The following PIK3R6 variants were observed in gnomAD, a reference collection of about 807,000 sequenced individuals.
The protein encoded by PIK3R6 is phosphoinositide 3-kinase regulatory subunit 6.
A neutral mutation model predicts 84.9 loss-of-function variants in PIK3R6; 91 were observed. The ratio of observed to expected loss-of-function variants is 1.07; its 90% CI spans 0.90 to 1.28. PIK3R6 has a LOEUF of 1.28. PIK3R6 is among the 50% of genes most tolerant of loss of function. The probability of loss-of-function intolerance (pLI) is 0.00; values close to 1 mark genes in which losing one functional copy is unlikely to be tolerated. For synonymous variants in PIK3R6, 416 were observed against 411.4 expected (o/e 1.01, Z -0.13); for missense variants, 996 against 985.1 (o/e 1.01, Z -0.15).
intron 2 of PIK3R6, among the ~76,000 whole-genome samples, chr17:8,841,212 C>T (rs1294670310): frequency 6.6e-6 from 1 of 152,066 alleles, no homozygotes; most frequent in South Asian, 2.1e-4. Context: ...TTTAAAGAAT[C>T]GTATCAGATA....
At chr17:8,815,876 G>A (rs8082325) in intron 18 of PIK3R6, among the ~76,000 whole-genome samples, 3,448 of 152,302 alleles carry the variant, frequency 0.023, 128 homozygotes, top group African/African-American at 0.076. Flanking sequence ...TTATCTACAA[G>A]CCCATCCAGA....
At position 8,838,652 on chromosome 17, in the gene PIK3R6, A is replaced by C; in HGVS notation, c.101T>G (p.Met34Arg). The stretch of plus-strand genomic sequence containing the variant: ...CTTCTTGTGCAGGGACCACCTCCAC[A>C]TGCCTGGGCCAGGAGAAAGGGGAGC... ...QAPALQSNQGMWRWSLHKKVE... is the reference protein window; with the variant it reads ...QAPALQSNQGRWRWSLHKKVE... The change falls in exon 4 of 20, where the codon ATG becomes AGG. Residue 34 changes from methionine to arginine, a missense_variant. Transcript: ENST00000619866. 2 of 1,598,308 alleles carry C rather than the reference A, an allele frequency of 1.3e-6. No individual in the cohort carries two copies. The highest frequency in any genetic ancestry group is 1.7e-6 in the Non-Finnish European group (2 of 1,172,322).
At chr17:8,855,450 A>G (rs1484020639) in intron 1 of PIK3R6, among the ~76,000 whole-genome samples, 1 of 152,194 alleles carries the variant, frequency 6.6e-6, no homozygotes, top group African/African-American at 2.4e-5. Flanking sequence ...GCAAATAAAC[A>G]CATTAAAAAA....
Position 8,837,864 on chromosome 17 carries a change from C to T in PIK3R6, c.197G>A (p.Ser66Asn). Residue 66 changes from serine (S) to asparagine (N), a missense_variant, in exon 5 of 20, where the codon AGC (serine) becomes AAC (asparagine). Transcript: ENST00000619866. ...AATGATGACATGCCGGAGGTCCTGG[C>T]TTTCCGCCTGGAAAACAGGAGATCA... ...ILLRELEKAE[S>N]QDLRHVIIPL... The T allele has an allele frequency of 6.2e-7, 1 of 1,613,844 alleles. No homozygotes were observed. Among genetic ancestry groups the T allele is most frequent in the East Asian group, 2.2e-5 (1 of 44,888 alleles).
intron 7 of PIK3R6, 120 bp downstream of exon 7, chr17:8,836,427 G>T: frequency 9.8e-7 from 1 of 1,021,846 alleles, no homozygotes; most frequent in African/African-American, 1.6e-5. Context: ...CATGGCTGGG[G>T]AGGTCTGCTA....
rs868468434 is a variant in PIK3R6, at chr17:8,805,273, T to C, written c.1996-1120A>G. 2.6e-5 allele frequency among the ~76,000 whole-genome samples: 4 copies of C among 152,202 alleles called. No individual in the cohort carries two copies. In the South Asian group the frequency reaches 6.2e-4, roughly 24 times the overall value. ...CTACCTTTTAGGATTGTTGTGAAGATTACATGAGATAGTATATATTAAGTG... is the reference window on the plus strand; with the variant it reads ...CTACCTTTTAGGATTGTTGTGAAGACTACATGAGATAGTATATATTAAGTG... On this transcript the variant is annotated intron_variant, in intron 18 of 19. Coordinates refer to ENST00000619866, the MANE Select transcript of PIK3R6 (RefSeq NM_001010855.4).
chr17:8,846,803 C>T (rs2088824205), intron 2 of PIK3R6, among the ~76,000 whole-genome samples: 1 of 152,068 alleles, frequency 6.6e-6, no homozygotes, highest in Non-Finnish European at 1.5e-5. Flanking sequence ...CAAGAGACAG[C>T]AAGACTACAT....
intron 2 of PIK3R6, among the ~76,000 whole-genome samples, chr17:8,848,227 A>T (rs991738019): frequency 6.6e-6 from 1 of 152,146 alleles, no homozygotes; most frequent in African/African-American, 2.4e-5. Flanking sequence ...CCACATTTTT[A>T]AAAAATGAAA....
chr17:8,837,729 C>T, intron 5 of PIK3R6, 74 bp downstream of exon 5: 1 of 1,297,734 alleles, frequency 7.7e-7, no homozygotes, highest in Non-Finnish European at 1.1e-6. Context: ...GACTGAGTGC[C>T]CACTAAGGGG....
chr17:8,831,410 G>A (rs2088237969), intron 9 of PIK3R6, among the ~76,000 whole-genome samples: 1 of 151,328 alleles, frequency 6.6e-6, no homozygotes, highest in Non-Finnish European at 1.5e-5. Context: ...CTTGGGGGTG[G>A]CCCAGATGGT....
At chr17:8,829,459 CACAT>C (rs772624649) in intron 10 of PIK3R6, among the ~76,000 whole-genome samples, 2 of 150,272 alleles carry the variant, frequency 1.3e-5, no homozygotes, top group South Asian at 2.1e-4. Flanking sequence ...CGCATCCACA[CACAT>C]ACACTGACAC....
chr17:8,829,759 G>A lies in PIK3R6; in HGVS notation c.836C>T (p.Pro279Leu). Residue 279 changes from proline (P) to leucine (L), a missense_variant, in exon 10 of 20, where the codon CCC becomes CTC. Physicochemically the swap from Pro to Leu is moderately conservative, Grantham distance 98 (BLOSUM62 -3). Coordinates refer to ENST00000619866, the MANE Select transcript of PIK3R6 (RefSeq NM_001010855.4). ...GAAGGTGATGTAGGGGCTGGGCAGGGGAATGCTTGGTGGCCGCTCTTGGAC... is the reference window on the plus strand; with the variant it reads ...GAAGGTGATGTAGGGGCTGGGCAGGAGAATGCTTGGTGGCCGCTCTTGGAC... The part of the protein sequence containing the change: ...DLVQERPPSI[P>L]LPSPYITFHL... The A allele has an allele frequency of 6.4e-7, 1 of 1,553,030 alleles. No homozygotes were observed. Among genetic ancestry groups the A allele is most frequent in the Non-Finnish European group, 8.7e-7 (1 of 1,148,054 alleles).
chr17:8,850,300 CAAAAA>C (rs753799544), intron 1 of PIK3R6, among the ~76,000 whole-genome samples: 2 of 63,432 alleles, frequency 3.2e-5, no homozygotes, highest in Admixed American at 1.8e-4. Flanking sequence ...GAGACTGGCT[CAAAAA>C]AAAAAAAAAA....
chr17:8,822,970 T>A (rs1216729175), intron 15 of PIK3R6, 26 bp downstream of exon 15: 1 of 1,550,960 alleles, frequency 6.4e-7, no homozygotes, highest in African/African-American at 1.4e-5. Context: ...AGGGTGACCT[T>A]TGGCAAAAGG....
chr17:8,828,746 G>T lies in PIK3R6; in HGVS notation c.1134C>A (p.Pro378=). The T allele has an allele frequency of 1.2e-6, 2 of 1,606,876 alleles. No homozygotes were observed. Among genetic ancestry groups the T allele is most frequent in the East Asian group, 2.2e-5 (1 of 44,706 alleles). Residue 378 remains proline, a synonymous_variant, in exon 11 of 20, where the codon CCC becomes CCA. Coordinates refer to ENST00000619866, the MANE Select transcript of PIK3R6 (RefSeq NM_001010855.4). ...RKGGIKKRAW[P]LDFLMPGSWD... ...AGCTGCCAGGCATCAAGAAGTCCAGGGGCCATGCACGCTTCTTGATGCCCC... is the reference window on the plus strand; with the variant it reads ...AGCTGCCAGGCATCAAGAAGTCCAGTGGCCATGCACGCTTCTTGATGCCCC...
intron 13 of PIK3R6, 21 bp downstream of exon 13, chr17:8,827,151 G>C: frequency 6.2e-7 from 1 of 1,610,936 alleles, no homozygotes; most frequent in Non-Finnish European, 8.5e-7. Flanking sequence ...CTCCCTCCCT[G>C]GTACCCTCAC....
In PIK3R6 at chr17:8,829,791, A is replaced by C; in HGVS notation, c.804T>G (p.Gly268=). The change falls in exon 10 of 20, where the codon GGT becomes GGG. Residue 268 remains glycine (G), a splice_region_variant and synonymous_variant. Coordinates refer to ENST00000619866, the MANE Select transcript of PIK3R6 (RefSeq NM_001010855.4). ...TTGGTGGCCGCTCTTGGACAAGGTC[A>C]CCTGCAGAAAGGAGCAGGCTGTGGA... is the stretch of plus-strand genomic sequence containing the variant. ...LLGPAAGRCG[G]DLVQERPPSI... 6.4e-7 allele frequency: 1 copy of C among 1,550,554 alleles called. No individual in the cohort carries two copies. Among genetic ancestry groups the C allele is most frequent in the Non-Finnish European group, 8.7e-7 (1 of 1,146,708 alleles).
chr17:8,857,885 AG>A (rs1429360786), intron 1 of PIK3R6, among the ~76,000 whole-genome samples: 1 of 147,218 alleles, frequency 6.8e-6, no homozygotes, highest in African/African-American at 2.5e-5. Context: ...GGGCAACAAG[AG>A]TGAAACTCTG....
chr17:8,818,590 A>C lies in PIK3R6; in HGVS notation c.1995+493T>G, dbSNP rs183698690. 5.3e-5 allele frequency among the ~76,000 whole-genome samples: 8 copies of C among 152,304 alleles called. No homozygotes were observed. In the East Asian group the frequency reaches 1.5e-3, roughly 29 times the overall value. ...CTTGAACCTGAGAGGCGGGGGTTGCAGTGAACTAAGATTGCACCACTGCAC... is the reference window on the plus strand; with the variant it reads ...CTTGAACCTGAGAGGCGGGGGTTGCCGTGAACTAAGATTGCACCACTGCAC... On this transcript the variant is annotated intron_variant, in intron 18 of 19. Coordinates refer to ENST00000619866, the MANE Select transcript of PIK3R6 (RefSeq NM_001010855.4).
Sources: allele counts gnomAD v4.1 joint callset (sites outside exome capture counted in the v4.1 genomes callset), GRCh38; gene constraint gnomAD v4.1.1; transcripts MANE v1.5; gene names NCBI Gene and HGNC (gene_info 2026-07-23, HGNC 2026-07-21).